Variants in RIF1 observed in about 807,000 individuals in gnomAD.
The protein encoded by RIF1 is telomere-associated protein RIF1.
In RIF1, 45 loss-of-function variants were observed where a neutral mutation model predicts 247.1. That is an observed-to-expected ratio of 0.18 (90% confidence interval 0.14 to 0.23). RIF1 has a LOEUF of 0.23. Among genes scored for constraint, RIF1 ranks in the 10% least tolerant of loss-of-function variants. The pLI is 1.00. For missense variants in RIF1, 2,967 were observed against 2,862.5 expected, an observed-to-expected ratio of 1.04 and a Z score of -0.83; for synonymous variants, 1,087 against 978.8, an observed-to-expected ratio of 1.11 and a Z score of -2.06.
At chr2:151,488,346 T>C (rs1386052263) in intron 9 of RIF1, among the ~76,000 whole-genome samples, 1 of 152,058 alleles carries the variant, frequency 6.6e-6, no homozygotes, top group African/African-American at 2.4e-5. Context: ...CTTTCCCCTT[T>C]ATATTTTAAA....
chr2:151,456,480 T>C, intron 22 of RIF1, 98 bp from the exon 23 acceptor site: 2 of 671,330 alleles, frequency 3.0e-6, no homozygotes, highest in Admixed American at 6.3e-5. Flanking sequence ...AATTTATATT[T>C]ATTATGTCTT....
intron 15 of RIF1, among the ~76,000 whole-genome samples, chr2:151,440,799 A>G (rs976841636): frequency 6.6e-6 from 1 of 152,198 alleles, no homozygotes; most frequent in African/African-American, 2.4e-5. Flanking sequence ...GCTTTGCCTA[A>G]CCCCATATGT....
chr2:151,490,267 G>T, intron 9 of RIF1: 1 of 1,394,586 alleles, frequency 7.2e-7, no homozygotes, highest in Non-Finnish European at 9.7e-7. Context: ...TAAAGGAAAG[G>T]ATGAAAAATT....
chr2:151,506,943 A>C, intron 13 of RIF1: 1 of 1,611,072 alleles, frequency 6.2e-7, no homozygotes, highest in Non-Finnish European at 8.5e-7. Flanking sequence ...TTTTACACGC[A>C]GTATTTCTGG....
At chr2:151,507,764 A>G in exon 14 of RIF1, 1 of 456,372 alleles carries the variant, frequency 2.2e-6, no homozygotes, top group Non-Finnish European at 3.9e-6. Context: ...GGGTGAGGAA[A>G]AGATACTATA....
chr2:151,491,970 G>GCTTT, intron 9 of RIF1: 1 of 1,095,032 alleles, frequency 9.1e-7, no homozygotes, highest in South Asian at 1.5e-5. Context: ...GATAATAGGA[G>GCTTT]CTTTCTTGCA....
At position 151,471,705 on chromosome 2, in the gene RIF1, C is replaced by T. The variant is rs1271970348; in HGVS notation, c.7095+1841C>T. Among the ~76,000 whole-genome samples the T allele has an allele frequency of 9.9e-5, 15 of 152,244 alleles. No individual in the cohort carries two copies. In the East Asian group the frequency reaches 2.9e-3, roughly 29 times the overall value. On this transcript the variant is annotated intron_variant, in intron 34 of 35. Transcript: ENST00000444746. ...AGCTGTGTGGTATTATTTCTGAGGGCTCTGTTCTGTTCCATTGGCTTATAT... is the reference window on the plus strand; with the variant it reads ...AGCTGTGTGGTATTATTTCTGAGGGTTCTGTTCTGTTCCATTGGCTTATAT...
intron 10 of RIF1, chr2:151,498,302 A>T: frequency 6.4e-7 from 1 of 1,551,468 alleles, no homozygotes; most frequent in Non-Finnish European, 8.7e-7. Flanking sequence ...TCTGCATCTC[A>T]GGAGTGATGG....
intron 3 of RIF1, among the ~76,000 whole-genome samples, chr2:151,411,643 C>T (rs921414847): frequency 4.6e-5 from 7 of 152,224 alleles, no homozygotes; most frequent in African/African-American, 1.7e-4. Context: ...TCAGGTGATC[C>T]GCCTGCCTCA....
At chr2:151,428,307 T>TA (rs1162976796) in intron 8 of RIF1, among the ~76,000 whole-genome samples, 1 of 152,214 alleles carries the variant, frequency 6.6e-6, no homozygotes, top group Non-Finnish European at 1.5e-5. Context: ...ATACTGTTTT[T>TA]AAAAAATATT....
chr2:151,447,116 T>G (rs933952034), intron 20 of RIF1, among the ~76,000 whole-genome samples: 8 of 151,896 alleles, frequency 5.3e-5, no homozygotes, highest in Admixed American at 4.6e-4. Context: ...GCTAATTTTT[T>G]GTATTTTTAG....
At chr2:151,447,181 G>A (rs1046700975) in intron 20 of RIF1, among the ~76,000 whole-genome samples, 36 of 151,596 alleles carry the variant, frequency 2.4e-4, no homozygotes, top group African/African-American at 8.5e-4. Flanking sequence ...CTGACCTCGT[G>A]ATCCGCCCGC....
chr2:151,498,422 G>A, intron 10 of RIF1: 1 of 1,105,170 alleles, frequency 9.0e-7, no homozygotes, highest in Non-Finnish European at 1.3e-6. Context: ...CTTTGGAGCA[G>A]TTGGGAGTGG....
At chr2:151,511,085 C>T (rs1219468815), downstream of RIF1, among the ~76,000 whole-genome samples, 9 of 152,180 alleles carry the variant, frequency 5.9e-5, no homozygotes. Flanking sequence ...GTGACGTGAT[C>T]CCACACTGGG....
intron 6 of RIF1, among the ~76,000 whole-genome samples, chr2:151,419,206 T>A (rs960683884): frequency 6.6e-6 from 1 of 152,166 alleles, no homozygotes; most frequent in African/African-American, 2.4e-5. Flanking sequence ...TAACTTTTTT[T>A]AAATACAAGT....
intron 10 of RIF1, chr2:151,497,285 T>TA (rs2060868909): frequency 1.1e-6 from 1 of 949,110 alleles, no homozygotes; most frequent in African/African-American, 1.8e-5. Context: ...CATGTTATTT[T>TA]TTTTTTTCCT....
rs768689815 is a variant in RIF1 at position 151,433,247 on chromosome 2, A to G, written c.1077+19A>G. On this transcript the variant is annotated intron_variant, in intron 10 of 35. Transcript: ENST00000444746. ...TGAACAGGTAACATTACAAGTGTTG[A>G]CTATAGCACTTTATGTTTTTGTTAA... 1 of 1,579,126 alleles carries G rather than the reference A, an allele frequency of 6.3e-7. No individual in the cohort carries two copies. The highest frequency in any genetic ancestry group is 1.1e-5 in the South Asian group (1 of 88,668).
chr2:151,422,165 C>T (rs535077071), intron 7 of RIF1, among the ~76,000 whole-genome samples: 8 of 152,148 alleles, frequency 5.3e-5, no homozygotes, highest in African/African-American at 1.9e-4. Flanking sequence ...ATCAAGCTTG[C>T]AACAAAGCAT....
At chr2:151,519,404 A>T in the RIF1 span, among the ~76,000 whole-genome samples, 1 of 152,238 alleles carries the variant, frequency 6.6e-6, no homozygotes, top group Non-Finnish European at 1.5e-5. Flanking sequence ...GATTCCATTT[A>T]TATGCACTCT....
Sources: gnomAD v4.1 joint callset for allele counts (sites outside exome capture counted in the v4.1 genomes callset) on GRCh38, gnomAD v4.1.1 for gene constraint, MANE v1.5 for transcripts, NCBI Gene and HGNC (gene_info 2026-07-23, HGNC 2026-07-21) for gene names.